CHN2: variants seen among roughly 807,000 people sequenced by gnomAD.
CHN2 encodes the protein beta-chimaerin.
Under a neutral mutation model 56.3 loss-of-function variants are expected in CHN2, and 35 were observed. The ratio of observed to expected loss-of-function variants is 0.62; its 90% CI spans 0.47 to 0.82. The LOEUF (loss-of-function observed/expected upper bound fraction) is 0.82. Ranked by LOEUF, CHN2 falls within the 40% of genes least tolerant of loss-of-function variation. The pLI is 0.00. For synonymous variants in CHN2, 210 were observed against 212.8 expected (o/e 0.99, Z 0.12); for missense variants, 491 against 580.5 (o/e 0.85, Z 1.58).
intron 6 of CHN2, among the ~76,000 whole-genome samples, chr7:29,410,773 G>A (rs1803133181): frequency 1.3e-5 from 2 of 152,150 alleles, no homozygotes; most frequent in African/African-American, 4.8e-5. Context: ...TTTGTAAGGG[G>A]AGAAAAAGTT....
chr7:29,281,307 C>G (rs1383314399), intron 1 of CHN2, among the ~76,000 whole-genome samples: 1 of 152,144 alleles, frequency 6.6e-6, no homozygotes, highest in Non-Finnish European at 1.5e-5. Context: ...CTACTATTCA[C>G]TATTCTGTGC....
intron 6 of CHN2, among the ~76,000 whole-genome samples, chr7:29,428,343 A>G (rs922546827): frequency 2.0e-5 from 3 of 152,198 alleles, no homozygotes; most frequent in Non-Finnish European, 2.9e-5. Flanking sequence ...GTCAAAGGTC[A>G]TTTCCCACTT....
intron 6 of CHN2, among the ~76,000 whole-genome samples, chr7:29,422,700 C>A (rs1804469120): frequency 6.6e-6 from 1 of 152,192 alleles, no homozygotes; most frequent in African/African-American, 2.4e-5. Flanking sequence ...GGGCTATTAC[C>A]TGTGGTCAGA....
rs146799946 is a variant in CHN2, at chr7:29,332,279, C to T, written c.50-22346C>T. 8.0e-3 allele frequency among the ~76,000 whole-genome samples: 1,216 copies of T among 152,172 alleles called. 11 individuals carry two copies. The highest frequency in any genetic ancestry group is 0.027 in the African/African-American group (1,112 of 41,492). ...TCTCTTTTAAAGTAGGGAAAATGATCGTGCCTACCCTGTGGGGTTCTTGGG... is the reference window on the plus strand; with the variant it reads ...TCTCTTTTAAAGTAGGGAAAATGATTGTGCCTACCCTGTGGGGTTCTTGGG... On this transcript the variant is annotated intron_variant, in intron 1 of 12. Coordinates refer to ENST00000222792, the MANE Select transcript of CHN2 (RefSeq NM_004067.4).
At chr7:29,167,357 G>A (rs905825819) in intron 2 of CHN2, among the ~76,000 whole-genome samples, 1 of 151,966 alleles carries the variant, frequency 6.6e-6, no homozygotes, top group Non-Finnish European at 1.5e-5. Flanking sequence ...TATCCTAAAT[G>A]GTATTTCATT....
chr7:29,245,818 G>T (rs1788031952), intron 1 of CHN2, among the ~76,000 whole-genome samples: 3 of 152,076 alleles, frequency 2.0e-5, no homozygotes. Flanking sequence ...CGCTCTTCAG[G>T]CCACTTGGAA....
chr7:29,320,904 C>G (rs1231741404), intron 1 of CHN2, among the ~76,000 whole-genome samples: 1 of 152,176 alleles, frequency 6.6e-6, no homozygotes, highest in Non-Finnish European at 1.5e-5. Flanking sequence ...TGGGTCCCAT[C>G]TCGATTTATT....
chr7:29,176,152 C>G (rs555581334), intron 2 of CHN2, among the ~76,000 whole-genome samples: 85 of 151,630 alleles, frequency 5.6e-4, no homozygotes, highest in Non-Finnish European at 1.0e-3. Flanking sequence ...CGCCACTGCA[C>G]TCCAGCCTAG....
intron 6 of CHN2, 56 bp from the exon 7 acceptor site, chr7:29,480,220 AGGT>A (rs1374199689): frequency 1.2e-6 from 2 of 1,613,958 alleles, no homozygotes; most frequent in African/African-American, 2.7e-5. Flanking sequence ...TTCGGGGTGA[AGGT>A]GGGTGTCAAA....
intron 6 of CHN2, among the ~76,000 whole-genome samples, chr7:29,410,190 T>G (rs545231756): frequency 1.4e-4 from 21 of 152,354 alleles, no homozygotes; most frequent in Admixed American, 6.5e-4. Context: ...AAGAAAATTT[T>G]TATAATGTTT....
rs868390366 is a variant in CHN2 at position 29,252,596 on chromosome 7, T to G, written c.49+57606T>G. On this transcript the variant is annotated intron_variant, in intron 1 of 12. Transcript: ENST00000222792. ...ATTCTTTGTTTTTTTTTTTTTTTTT[T>G]TTTTTTTTTTGAGACGGAGTCTCGC... is the stretch of plus-strand genomic sequence containing the variant. Among the ~76,000 whole-genome samples the G allele has an allele frequency of 1.4e-3, 43 of 29,944 alleles. 2 individuals carry two copies. Among genetic ancestry groups the G allele is most frequent in the South Asian group, 8.8e-3 (9 of 1,018 alleles). 19.6% of individuals were successfully genotyped at this position (29,944 alleles called of 152,430 possible).
At chr7:29,398,298 C>G in intron 4 of CHN2, 75 bp from the exon 5 acceptor site, 1 of 1,159,334 alleles carries the variant, frequency 8.6e-7, no homozygotes, top group Non-Finnish European at 1.3e-6. Flanking sequence ...CCCCACCATC[C>G]TTTTAAGGCT....
rs546781172 is a variant in CHN2 at position 29,476,087 on chromosome 7, A to G, written c.577-4192A>G. Among the ~76,000 whole-genome samples, 16 of 152,326 alleles carry G rather than the reference A, an allele frequency of 1.1e-4. 1 individual carries two copies. The East Asian group carries it at 2.9e-3, about 28-fold the overall frequency. On this transcript the variant is annotated intron_variant, in intron 6 of 12. Transcript: ENST00000222792. ...TTGTTCTTCAGGGCTTTGAGGAAAG[A>G]TAGGCTCAGTTAGTTGTGCCTATAT...
intron 1 of CHN2, among the ~76,000 whole-genome samples, chr7:29,344,622 C>T (rs9885997): frequency 0.23 from 34,480 of 152,014 alleles, 4,528 homozygotes; most frequent in Non-Finnish European, 0.3. Context: ...TTACTGTGGG[C>T]TTCTGCAGTA....
At chr7:29,170,497 A>G (rs1042336366) in intron 2 of CHN2, among the ~76,000 whole-genome samples, 5 of 152,170 alleles carry the variant, frequency 3.3e-5, no homozygotes, top group African/African-American at 1.2e-4. Flanking sequence ...TCATCTGGGG[A>G]CGAATTTAAG....
intron 1 of CHN2, among the ~76,000 whole-genome samples, chr7:29,312,474 AT>A (rs1274783866): frequency 6.6e-6 from 1 of 152,168 alleles, no homozygotes; most frequent in East Asian, 1.9e-4. Context: ...CATGCCATAG[AT>A]TTTGTCTGGG....
At chr7:29,450,376 A>C (rs868601689) in intron 6 of CHN2, among the ~76,000 whole-genome samples, 2 of 152,354 alleles carry the variant, frequency 1.3e-5, no homozygotes, top group Middle Eastern at 3.4e-3. Flanking sequence ...GATGAAGAAG[A>C]ATCTTGGATA....
chr7:29,250,021 A>G (rs946553557), intron 1 of CHN2, among the ~76,000 whole-genome samples: 2 of 152,230 alleles, frequency 1.3e-5, no homozygotes, highest in Non-Finnish European at 2.9e-5. Context: ...CCAAGACCTT[A>G]CCGACTTAAC....
chr7:29,382,370 C>T (rs1800579801), intron 3 of CHN2, among the ~76,000 whole-genome samples: 3 of 152,186 alleles, frequency 2.0e-5, no homozygotes. Context: ...GGTCTTCAGT[C>T]TTCACTCTGG....
Sources: gnomAD v4.1 joint callset for allele counts (sites outside exome capture counted in the v4.1 genomes callset) on GRCh38, gnomAD v4.1.1 for gene constraint, MANE v1.5 for transcripts, NCBI Gene and HGNC (gene_info 2026-07-23, HGNC 2026-07-21) for gene names.